Variants in HDAC10 observed in about 807,000 individuals in gnomAD.
HDAC10 encodes the protein polyamine deacetylase HDAC10.
In HDAC10, 90 loss-of-function variants were observed where a neutral mutation model predicts 82.3. That is an observed-to-expected ratio of 1.09 (90% CI 0.92 to 1.30). HDAC10 has a LOEUF of 1.30. Ranked by LOEUF, HDAC10 falls within the 50% of genes most tolerant of loss-of-function variation. The pLI is 0.00. For missense variants in HDAC10, 934 were observed against 876.3 expected, an observed-to-expected ratio of 1.07 and a Z score of -0.83; for synonymous variants, 456 against 391.7, an observed-to-expected ratio of 1.16 and a Z score of -1.94.
Position 50,251,135 on chromosome 22 carries a change from G to C in HDAC10, c.-103C>G. 1.6e-6 allele frequency: 2 copies of C among 1,263,478 alleles called. No homozygotes were observed. Among genetic ancestry groups the C allele is most frequent in the Non-Finnish European group, 2.2e-6 (2 of 909,588 alleles). The allele number at this position is 1,263,478 out of a possible 1,614,324, so 78.3% of individuals were successfully genotyped here. A position where few individuals can be genotyped will look rare whatever the true frequency, so the allele number is the denominator to read the frequency against. On this transcript the variant is annotated 5_prime_UTR_variant, in exon 1 of 20. Transcript: ENST00000216271. The stretch of plus-strand genomic sequence containing the variant: ...GGGAGCAGCCGGAGGCCTGGGACCT[G>C]CCTGGGGCGCAGGCGGGCGGCGGGC...
rs748221994 is a variant in HDAC10 at position 50,250,878 on chromosome 22, C to T, written c.87G>A (p.Glu29=). 1 of 1,601,276 alleles carries T rather than the reference C, an allele frequency of 6.2e-7. No homozygotes were observed. Among genetic ancestry groups the T allele is most frequent in the Non-Finnish European group, 8.5e-7 (1 of 1,174,282 alleles). ...DDPECEIERP[E]RLTAALDRLR... is the part of the protein sequence containing the mutation. ...GGCGATCCAGGGCTGCGGTCAGGCG[C>T]TCAGGACGCTCGATCTCGCACTCGG... Residue 29 remains glutamate, a synonymous_variant, in exon 2 of 20, where the codon GAG becomes GAA. Coordinates refer to ENST00000216271, the MANE Select transcript of HDAC10 (RefSeq NM_032019.6).
chr22:50,246,558 G>C (rs538830118), intron 16 of HDAC10, 121 bp downstream of exon 16: 1 of 1,145,856 alleles, frequency 8.7e-7, no homozygotes, highest in African/African-American at 1.5e-5. Context: ...CCCAGCTGAG[G>C]AAGGCTCCAT....
rs747411524 is a variant in HDAC10, at chr22:50,250,964, T to A, written c.59+10A>T. The A allele has an allele frequency of 1.2e-6, 2 of 1,612,230 alleles. No individual in the cohort carries two copies. Among genetic ancestry groups the A allele is most frequent in the Non-Finnish European group, 1.7e-6 (2 of 1,179,530 alleles). ...CTCCCCGCACCCCACCTCGGCCAGG[T>A]CCCACTTACTCGTCCCAGAGCAGCC... On this transcript the variant is annotated intron_variant, in intron 1 of 19. Transcript: ENST00000216271.
chr22:50,245,384 G>A lies in HDAC10; in HGVS notation c.*123C>T, dbSNP rs2147225372. 2.9e-6 allele frequency: 2 copies of A among 690,716 alleles called. No individual in the cohort carries two copies. The highest frequency in any genetic ancestry group is 4.0e-5 in the Admixed American group (2 of 49,396). The allele number at this position is 690,716 out of a possible 1,614,324, so 42.8% of individuals were successfully genotyped here. On this transcript the variant is annotated 3_prime_UTR_variant, in exon 20 of 20. Transcript: ENST00000216271. ...GGAGAGGGCGGGGCGCGGGGATTGGGAGTGGGCGGGGTTCCGTGCCCCAGA... is the reference window on the plus strand; with the variant it reads ...GGAGAGGGCGGGGCGCGGGGATTGGAAGTGGGCGGGGTTCCGTGCCCCAGA...
At chr22:50,246,248 C>T in intron 17 of HDAC10, 50 bp downstream of exon 17, 1 of 1,554,276 alleles carries the variant, frequency 6.4e-7, no homozygotes, top group Non-Finnish European at 8.9e-7. Flanking sequence ...CAGCTGTACA[C>T]ATCCATGGGC....
rs771680143 is a variant in HDAC10 at position 50,249,220 on chromosome 22, C to T, written c.691-52G>A. 2.2e-4 allele frequency: 51 copies of T among 235,950 alleles called. No homozygotes were observed. Among genetic ancestry groups the T allele is most frequent in the Middle Eastern group, 2.0e-3 (2 of 1,018 alleles). The allele number at this position is 235,950 out of a possible 1,614,324, so 14.6% of individuals were successfully genotyped here. On this transcript the variant is annotated intron_variant, in intron 7 of 19. Transcript: ENST00000216271. This position sits in a 1 kb window ranked among gnomAD's most constrained non-coding sequence, Gnocchi z 4.4. The stretch of plus-strand genomic sequence containing the variant: ...TGAACTGTGGGGCAGGGGAGGGGCC[C>T]GGGGGAGGGGGTGGGTGGGGACCTG...
rs1270528481 is a variant in HDAC10, at chr22:50,248,607, C to T, written c.906+55G>A. The T allele has an allele frequency of 4.7e-6, 7 of 1,477,782 alleles. No individual in the cohort carries two copies. Among genetic ancestry groups the T allele is most frequent in the African/African-American group, 1.4e-5 (1 of 71,684 alleles). 91.5% of individuals were successfully genotyped at this position (1,477,782 alleles called of 1,614,324 possible). A position where few individuals can be genotyped will look rare whatever the true frequency, so the allele number is the denominator to read the frequency against. ...CCCGTGGGCACCTGGCTCCCATGCTCCTGACCCCCAGGCCTCTGGCCCAGA... is the reference window on the plus strand; with the variant it reads ...CCCGTGGGCACCTGGCTCCCATGCTTCTGACCCCCAGGCCTCTGGCCCAGA... On this transcript the variant is annotated intron_variant, in intron 10 of 19. Coordinates refer to ENST00000216271, the MANE Select transcript of HDAC10 (RefSeq NM_032019.6). The surrounding 1 kb of genome is among the most constrained non-coding windows in gnomAD (Gnocchi z 5.4).
At position 50,248,638 on chromosome 22, in the gene HDAC10, T is replaced by A; in HGVS notation, c.906+24A>T. ...CCCCAGGCCTCTGGCCCAGAGACCC[T>A]CCCTGTGTGCCCTCCCCAGTCACCT... On this transcript the variant is annotated intron_variant, in intron 10 of 19. Coordinates refer to ENST00000216271, the MANE Select transcript of HDAC10 (RefSeq NM_032019.6). The surrounding 1 kb of genome is among the most constrained non-coding windows in gnomAD (Gnocchi z 5.4). The A allele has an allele frequency of 6.7e-7, 1 of 1,482,918 alleles. No homozygotes were observed. Among genetic ancestry groups the A allele is most frequent in the Non-Finnish European group, 9.0e-7 (1 of 1,114,256 alleles). The allele number at this position is 1,482,918 out of a possible 1,614,324, so 91.9% of individuals were successfully genotyped here. A position where few individuals can be genotyped will look rare whatever the true frequency, so the allele number is the denominator to read the frequency against.
At chr22:50,246,535 C>G in intron 16 of HDAC10, 144 bp downstream of exon 16, 1 of 1,049,258 alleles carries the variant, frequency 9.5e-7, no homozygotes, top group Non-Finnish European at 1.4e-6. Flanking sequence ...CTCCAGCAGC[C>G]CTTCTCCCAC....
In HDAC10 at chr22:50,245,473, T is replaced by G. The variant is rs2147225598; in HGVS notation, c.*34A>C. 6 of 782,930 alleles carry G rather than the reference T, an allele frequency of 7.7e-6. No individual in the cohort carries two copies. The East Asian group carries it at 1.2e-4, about 16-fold the overall frequency. 48.5% of individuals were successfully genotyped at this position (782,930 alleles called of 1,614,324 possible). ...GCGGGGCGCTGGCGTGCGGTGTCAT[T>G]TCTGCGGTGTAAATGCTCCCACCTT... is the stretch of plus-strand genomic sequence containing the variant. On this transcript the variant is annotated 3_prime_UTR_variant, in exon 20 of 20. Transcript: ENST00000216271.
Position 50,249,626 on chromosome 22 carries a change from C to A in HDAC10, c.563+9G>T. ...TGCAGGGAAGGGTGGTTTCCGCACCCCTGCTCACCTGGGGTCATCCTCAAA... is the reference window on the plus strand; with the variant it reads ...TGCAGGGAAGGGTGGTTTCCGCACCACTGCTCACCTGGGGTCATCCTCAAA... On this transcript the variant is annotated intron_variant, in intron 6 of 19. Transcript: ENST00000216271. The surrounding 1 kb of genome is among the most constrained non-coding windows in gnomAD (Gnocchi z 4.4). 6.2e-7 allele frequency: 1 copy of A among 1,612,840 alleles called. No homozygotes were observed. Among genetic ancestry groups the A allele is most frequent in the South Asian group, 1.1e-5 (1 of 91,078 alleles).
chr22:50,247,986 A>G lies in HDAC10; in HGVS notation c.1241T>C (p.Val414Ala). ...TGTGATATCCGGCGTTGTCAGGGCA[A>G]CAGCGGTGCGGACAGAGGGTGCGGG... is the stretch of plus-strand genomic sequence containing the variant. Reference protein sequence around the residue: ...LCPAPSVRTAVALTTPDITLV... With the variant: ...LCPAPSVRTAAALTTPDITLV... Residue 414 changes from valine to alanine, a missense_variant, in exon 13 of 20, where the codon GTT (valine) becomes GCT (alanine). Transcript: ENST00000216271. 5.0e-6 allele frequency: 8 copies of G among 1,612,846 alleles called. No homozygotes were observed. Among genetic ancestry groups the G allele is most frequent in the Non-Finnish European group, 6.8e-6 (8 of 1,179,970 alleles).
Position 50,248,326 on chromosome 22 carries a change from T to G in HDAC10, c.1014-34A>C, listed in dbSNP as rs1168198455. On this transcript the variant is annotated intron_variant, in intron 11 of 19. Transcript: ENST00000216271. The surrounding 1 kb of genome is among the most constrained non-coding windows in gnomAD (Gnocchi z 5.4). ...GAGACACAACAGTCGTGACACCTGG[T>G]CTCACACCCCGGCCCTGCCCGCCCT... 6.2e-7 allele frequency: 1 copy of G among 1,611,562 alleles called. No individual in the cohort carries two copies. Among genetic ancestry groups the G allele is most frequent in the Non-Finnish European group, 8.5e-7 (1 of 1,179,674 alleles).
In HDAC10 at chr22:50,249,269, G is replaced by A. The variant is rs1195344181; in HGVS notation, c.690+59C>T. Reference sequence around the variant, plus strand: ...TGGGGCTTGAGGGTGAACTGTGGGGGAGGGGAGGGGCCCAGGGGGAGGGGG... The same window carrying A: ...TGGGGCTTGAGGGTGAACTGTGGGGAAGGGGAGGGGCCCAGGGGGAGGGGG... On this transcript the variant is annotated intron_variant, in intron 7 of 19. Transcript: ENST00000216271. The surrounding 1 kb of genome is among the most constrained non-coding windows in gnomAD (Gnocchi z 4.4). 149 of 1,444,976 alleles carry A rather than the reference G, an allele frequency of 1.0e-4. No individual in the cohort carries two copies. The highest frequency in any genetic ancestry group is 1.3e-4 in the Non-Finnish European group (140 of 1,065,996). 89.5% of individuals were successfully genotyped at this position (1,444,976 alleles called of 1,614,324 possible). A position where few individuals can be genotyped will look rare whatever the true frequency, so the allele number is the denominator to read the frequency against.
chr22:50,250,096 G>A lies in HDAC10; in HGVS notation c.356C>T (p.Thr119Ile). 1.2e-6 allele frequency: 2 copies of A among 1,612,760 alleles called. No individual in the cohort carries two copies. The highest frequency in any genetic ancestry group is 1.7e-6 in the Non-Finnish European group (2 of 1,179,948). ...AGLQLVDAVLTGAVQNGLALV... is the reference protein window; with the variant it reads ...AGLQLVDAVLIGAVQNGLALV... ...GGCAAGCCCATTTTGCACAGCTCCA[G>A]TGAGCACAGCGTCCACCAGCTGCAG... Residue 119 changes from threonine to isoleucine, a missense_variant, in exon 4 of 20, where the codon ACT becomes ATT. By Grantham distance (89) the Thr-to-Ile change is moderately conservative (BLOSUM62 -1). Transcript: ENST00000216271.
Position 50,248,647 on chromosome 22 carries a change from GCCCTCCCCAGTC to G in HDAC10, c.906+3_906+14del. On this transcript the variant is annotated splice_donor_5th_base_variant and intron_variant, in intron 10 of 19. Transcript: ENST00000216271. This position sits in a 1 kb window ranked among gnomAD's most constrained non-coding sequence, Gnocchi z 5.4. ...TCTGGCCCAGAGACCCTCCCTGTGT[GCCCTCCCCAGTC>G]ACCTCCAGCACGGCACAGACCCGGC... 2 of 1,487,504 alleles carry G rather than the reference GCCCTCCCCAGTC, an allele frequency of 1.3e-6. No individual in the cohort carries two copies. Among genetic ancestry groups the G allele is most frequent in the Non-Finnish European group, 1.8e-6 (2 of 1,116,424 alleles). 92.1% of individuals were successfully genotyped at this position (1,487,504 alleles called of 1,614,324 possible).
rs761778884 is a variant in HDAC10 at position 50,245,698 on chromosome 22, C to G, written c.1963G>C (p.Glu655Gln). 2 of 1,613,142 alleles carry G rather than the reference C, an allele frequency of 1.2e-6. No individual in the cohort carries two copies. Among genetic ancestry groups the G allele is most frequent in the African/African-American group, 2.7e-5 (2 of 74,942 alleles). Reference protein sequence around the residue: ...QALMYLRGQLEPQWKMLQCHP... With the variant: ...QALMYLRGQLQPQWKMLQCHP... ...ACCTGCAACATCTTCCACTGAGGCT[C>G]CAGCTGCCCTCTCAGGTACATCAGG... The change falls in exon 19 of 20, where the codon GAG (glutamate) becomes CAG (glutamine). Residue 655 changes from glutamate (E) to glutamine (Q), a missense_variant. Physicochemically the swap from Glu to Gln is conservative, Grantham distance 29 (BLOSUM62 2). Coordinates refer to ENST00000216271, the MANE Select transcript of HDAC10 (RefSeq NM_032019.6).
chr22:50,247,585 G>A (rs1305119884), intron 14 of HDAC10, 107 bp downstream of exon 14: 1 of 772,434 alleles, frequency 1.3e-6, no homozygotes, highest in Non-Finnish European at 2.1e-6. Context: ...ACATCCATGT[G>A]GTTCTGCACC....
rs758728540 is a variant in HDAC10, at chr22:50,249,174, A to T, written c.691-6T>A. ...TCAGCGTTTCCCATCCCAACCTGGC[A>T]GGACATCCCAGGCTACATCCTGAAC... On this transcript the variant is annotated splice_polypyrimidine_tract_variant and splice_region_variant and intron_variant, in intron 7 of 19. Transcript: ENST00000216271. The surrounding 1 kb of genome is among the most constrained non-coding windows in gnomAD (Gnocchi z 4.4). 1.3e-6 allele frequency: 2 copies of T among 1,533,248 alleles called. No individual in the cohort carries two copies. Among genetic ancestry groups the T allele is most frequent in the Non-Finnish European group, 1.8e-6 (2 of 1,134,118 alleles). 95.0% of individuals were successfully genotyped at this position (1,533,248 alleles called of 1,614,324 possible).
Sources: gnomAD v4.1 joint callset for allele counts on GRCh38, gnomAD v4.1.1 for gene constraint, Gnocchi (gnomAD v3.1) non-coding constraint, MANE v1.5 for transcripts, NCBI Gene and HGNC (gene_info 2026-07-23, HGNC 2026-07-21) for gene names.